Variants in TMEM132C observed in about 807,000 individuals in gnomAD.
TMEM132C encodes the protein transmembrane protein 132C, also known as protein phosphatase 1, regulatory subunit 152.
A neutral mutation model predicts 61.4 loss-of-function variants in TMEM132C; 29 were observed. The ratio of observed to expected loss-of-function variants is 0.47; its 90% CI spans 0.35 to 0.64. The LOEUF (loss-of-function observed/expected upper bound fraction) is 0.64, where lower values mean the gene tolerates loss of function less well. TMEM132C is among the 30% of genes least tolerant of loss of function. The pLI is 0.00. For synonymous variants in TMEM132C, 656 were observed against 633.1 expected, an observed-to-expected ratio of 1.04 and a Z score of -0.54; for missense variants, 1,408 against 1,476.9, an observed-to-expected ratio of 0.95 and a Z score of 0.76.
intron 1 of TMEM132C, among the ~76,000 whole-genome samples, chr12:128,386,475 C>A (rs1388818868): frequency 6.6e-6 from 1 of 152,194 alleles, no homozygotes; most frequent in Non-Finnish European, 1.5e-5. Flanking sequence ...CTCATCCCTC[C>A]TTCCACAAAC....
intron 3 of TMEM132C, among the ~76,000 whole-genome samples, chr12:128,568,773 G>A (rs979815457): frequency 2.0e-5 from 3 of 152,130 alleles, no homozygotes; most frequent in Non-Finnish European, 4.4e-5. Context: ...ATGAAACCCC[G>A]AGCCCCGTGT....
chr12:128,497,070 G>A (rs946902119), intron 2 of TMEM132C, among the ~76,000 whole-genome samples: 1 of 152,228 alleles, frequency 6.6e-6, no homozygotes, highest in East Asian at 1.9e-4. Flanking sequence ...CTTAGCTGCA[G>A]GTCTGTTGGA....
intron 1 of TMEM132C, among the ~76,000 whole-genome samples, chr12:128,328,428 G>C (rs1489578510): frequency 6.6e-6 from 1 of 152,192 alleles, no homozygotes; most frequent in Non-Finnish European, 1.5e-5. Context: ...GCAGGATGCT[G>C]CTGTCTAGGG....
rs114852519 is a variant in TMEM132C, at chr12:128,632,137, G to A, written c.1305+15802G>A. Among the ~76,000 whole-genome samples, 1,015 of 152,242 alleles carry A rather than the reference G, an allele frequency of 6.7e-3. 7 individuals carry two copies. Among genetic ancestry groups the A allele is most frequent in the African/African-American group, 0.023 (960 of 41,524 alleles). ...GATCAGGGGCAAGTGAGCTTCAACC[G>A]GAGTGAGGCATCCGGGCCTTCACAG... is the stretch of plus-strand genomic sequence containing the variant. On this transcript the variant is annotated intron_variant, in intron 4 of 8. Transcript: ENST00000435159.
chr12:128,673,312 A>G (rs1303022627), intron 5 of TMEM132C, among the ~76,000 whole-genome samples: 5 of 152,234 alleles, frequency 3.3e-5, no homozygotes, highest in Non-Finnish European at 7.3e-5. Flanking sequence ...AGGATATAGC[A>G]AGAAGGCAGC....
intron 3 of TMEM132C, among the ~76,000 whole-genome samples, chr12:128,583,086 T>C (rs1046277072): frequency 6.6e-6 from 1 of 152,222 alleles, no homozygotes; most frequent in Non-Finnish European, 1.5e-5. Flanking sequence ...GTATTATTTA[T>C]AAGAGAAAAA....
At chr12:128,614,276 T>C (rs1453267287) in intron 3 of TMEM132C, among the ~76,000 whole-genome samples, 1 of 152,200 alleles carries the variant, frequency 6.6e-6, no homozygotes, top group Non-Finnish European at 1.5e-5. Context: ...TTTTGCAGGC[T>C]CTACATTGAC....
rs143436807 is a variant in TMEM132C at position 128,646,444 on chromosome 12, A to G, written c.1306-22973A>G. 7.5e-3 allele frequency among the ~76,000 whole-genome samples: 1,139 copies of G among 151,044 alleles called. 18 individuals are homozygous for G. Among genetic ancestry groups the G allele is most frequent in the African/African-American group, 0.026 (1,055 of 41,008 alleles). ...GATGTGAGTGTGTTCACTAGATCCC[A>G]TCAGTGTTGGATGTGAGTGTGTTTA... On this transcript the variant is annotated intron_variant, in intron 4 of 8. Coordinates refer to ENST00000435159, the MANE Select transcript of TMEM132C (RefSeq NM_001136103.3).
At chr12:128,607,580 TG>T (rs1362316650) in intron 3 of TMEM132C, among the ~76,000 whole-genome samples, 1 of 152,144 alleles carries the variant, frequency 6.6e-6, no homozygotes, top group East Asian at 1.9e-4. Context: ...TGGTGGGAAG[TG>T]CTCAGGTTCG....
rs898150218 is a variant in TMEM132C at position 128,503,574 on chromosome 12, G to A, written c.975-40383G>A. On this transcript the variant is annotated intron_variant, in intron 2 of 8. Transcript: ENST00000435159. The stretch of plus-strand genomic sequence containing the variant: ...CCTATTGGCATAATCTTCTTAGATT[G>A]GTTCACAAAAACAACACAAATACTG... 7.9e-5 allele frequency among the ~76,000 whole-genome samples: 12 copies of A among 152,192 alleles called. 1 individual carries two copies. Among genetic ancestry groups the A allele is most frequent in the African/African-American group, 2.7e-4 (11 of 41,458 alleles).
intron 4 of TMEM132C, among the ~76,000 whole-genome samples, chr12:128,663,175 T>G (rs1954410248): frequency 6.6e-6 from 1 of 152,188 alleles, no homozygotes; most frequent in African/African-American, 2.4e-5. Context: ...TTATGAACCA[T>G]CATCCCTATC....
At chr12:128,601,678 T>A (rs540563503) in intron 3 of TMEM132C, among the ~76,000 whole-genome samples, 2 of 148,298 alleles carry the variant, frequency 1.3e-5, no homozygotes, top group East Asian at 3.9e-4. Flanking sequence ...CGGGTTGGAG[T>A]CGTCCTAAGG....
At chr12:128,295,243 C>T (rs1284219230) in intron 1 of TMEM132C, among the ~76,000 whole-genome samples, 2 of 152,142 alleles carry the variant, frequency 1.3e-5, no homozygotes, top group East Asian at 1.9e-4. Context: ...ACAATCACAA[C>T]TCACCGCAGC....
intron 1 of TMEM132C, among the ~76,000 whole-genome samples, chr12:128,407,106 C>T (rs1875372356): frequency 6.6e-6 from 1 of 152,344 alleles, no homozygotes; most frequent in Non-Finnish European, 1.5e-5. Flanking sequence ...CTCCCGTAAT[C>T]CCCACATATC....
At chr12:128,610,797 ATGGCATTG>A (rs1490437746) in intron 3 of TMEM132C, among the ~76,000 whole-genome samples, 6 of 152,346 alleles carry the variant, frequency 3.9e-5, no homozygotes, top group African/African-American at 1.4e-4. Flanking sequence ...AACGTGCATT[ATGGCATTG>A]TGTCTACAGA....
intron 3 of TMEM132C, among the ~76,000 whole-genome samples, chr12:128,577,763 G>T (rs944722718): frequency 6.6e-6 from 1 of 152,178 alleles, no homozygotes; most frequent in African/African-American, 2.4e-5. Context: ...TCCCCCCAGG[G>T]CCTGGGATGA....
At chr12:128,608,989 G>C (rs1446164702) in intron 3 of TMEM132C, among the ~76,000 whole-genome samples, 1 of 152,128 alleles carries the variant, frequency 6.6e-6, no homozygotes, top group Non-Finnish European at 1.5e-5. Context: ...AGAGAGAAGT[G>C]AAATGTGGCT....
At position 128,464,103 on chromosome 12, in the gene TMEM132C, A is replaced by G. The variant is rs138578927; in HGVS notation, c.974+48483A>G. Among the ~76,000 whole-genome samples, 124 of 152,244 alleles carry G rather than the reference A, an allele frequency of 8.1e-4. 1 individual carries two copies. The East Asian group carries it at 0.02, about 25-fold the overall frequency. On this transcript the variant is annotated intron_variant, in intron 2 of 8. Transcript: ENST00000435159. ...TCCCCAAGCTAAGTTCTGTCTAGACACCTAATCTCCTGATGTCACGTCAGG... is the reference window on the plus strand; with the variant it reads ...TCCCCAAGCTAAGTTCTGTCTAGACGCCTAATCTCCTGATGTCACGTCAGG...
chr12:128,605,893 G>T (rs147818010), intron 3 of TMEM132C, among the ~76,000 whole-genome samples: 3 of 152,336 alleles, frequency 2.0e-5, no homozygotes, highest in Middle Eastern at 3.4e-3. Context: ...GAGCCTCCAT[G>T]CACCCTAGTT....
Sources: allele counts gnomAD v4.1 joint callset (sites outside exome capture counted in the v4.1 genomes callset), GRCh38; gene constraint gnomAD v4.1.1; transcripts MANE v1.5; gene names NCBI Gene and HGNC (gene_info 2026-07-23, HGNC 2026-07-21).